C11orf98: variants seen among roughly 807,000 people sequenced by gnomAD.
C11orf98 encodes the protein chromosome 11 open reading frame 98.
In C11orf98, 7 loss-of-function variants were observed where a neutral mutation model predicts 10.9. That is an observed-to-expected ratio of 0.64 (90% confidence interval 0.37 to 1.21). C11orf98 has a LOEUF of 1.21. Among genes scored for constraint, C11orf98 ranks in the 50% most tolerant of loss-of-function variants. The pLI, the probability that C11orf98 is intolerant of heterozygous loss-of-function variation, is 0.02. For missense variants in C11orf98, 181 were observed against 153.7 expected, an observed-to-expected ratio of 1.18 and a Z score of -0.94; for synonymous variants, 70 against 57.2, an observed-to-expected ratio of 1.22 and a Z score of -1.01.
rs1944694257 is a variant in C11orf98, at chr11:62,662,916, A to G, written c.*134T>C. On this transcript the variant is annotated 3_prime_UTR_variant, in exon 4 of 4. Coordinates refer to ENST00000524958, the MANE Select transcript of C11orf98 (RefSeq NM_001286086.2). ...TCTTCCCTCCCAAAGACATCCCTCTAGGGGAGGTCAGTAGGCCATTAGGTA... is the reference window on the plus strand; with the variant it reads ...TCTTCCCTCCCAAAGACATCCCTCTGGGGGAGGTCAGTAGGCCATTAGGTA... 7 of 669,808 alleles carry G rather than the reference A, an allele frequency of 1.0e-5. No individual in the cohort carries two copies. In the South Asian group the frequency reaches 1.4e-4, roughly 13 times the overall value. 41.5% of individuals were successfully genotyped at this position (669,808 alleles called of 1,614,324 possible). A position where few individuals can be genotyped will look rare whatever the true frequency, so the allele number is the denominator to read the frequency against.
rs1295446984 is a variant in C11orf98 at position 62,665,175 on chromosome 11, C to G, written c.-6G>C. On this transcript the variant is annotated 5_prime_UTR_variant, in exon 1 of 4. Coordinates refer to ENST00000524958, the MANE Select transcript of C11orf98 (RefSeq NM_001286086.2). ...TTTCCCCCCGGAGCTCCCATAGTCG[C>G]GATTCCACTCCAGTTCACGGTCCGT... 1 of 852,574 alleles carries G rather than the reference C, an allele frequency of 1.2e-6. No individual in the cohort carries two copies. The highest frequency in any genetic ancestry group is 1.9e-6 in the Non-Finnish European group (1 of 521,938). 52.8% of individuals were successfully genotyped at this position (852,574 alleles called of 1,614,324 possible).
intron 2 of C11orf98, among the ~76,000 whole-genome samples, chr11:62,664,496 A>G (rs1042325255): frequency 6.6e-5 from 10 of 151,712 alleles, no homozygotes; most frequent in African/African-American, 2.2e-4. Context: ...ACGCCTGGCT[A>G]ATTTTTGTAT....
rs751747763 is a variant in C11orf98, at chr11:62,664,853, G to C, written c.160C>G (p.Arg54Gly). The C allele has an allele frequency of 6.4e-7, 1 of 1,567,624 alleles. No homozygotes were observed. The highest frequency in any genetic ancestry group is 2.4e-5 in the East Asian group (1 of 42,320). The change falls in exon 2 of 4, where the codon CGG (arginine) becomes GGG (glycine). Residue 54 changes from arginine to glycine, a missense_variant. By Grantham distance (125) the Arg-to-Gly change is moderately radical. Coordinates refer to ENST00000524958, the MANE Select transcript of C11orf98 (RefSeq NM_001286086.2). ...GGAAGAGGGTCTAGTACTTACGCCCGCTTCTTGAGGTGGTGCCGCGTGATC... is the reference window on the plus strand; with the variant it reads ...GGAAGAGGGTCTAGTACTTACGCCCCCTTCTTGAGGTGGTGCCGCGTGATC... Reference protein sequence around the residue: ...GLITRHHLKKRASSARANITL... With the variant: ...GLITRHHLKKGASSARANITL...
chr11:62,662,922 G>A lies in C11orf98; in HGVS notation c.*128C>T, dbSNP rs1310645423. 8 of 697,584 alleles carry A rather than the reference G, an allele frequency of 1.1e-5. No individual in the cohort carries two copies. The East Asian group carries it at 2.2e-4, about 19-fold the overall frequency. The allele number at this position is 697,584 out of a possible 1,614,324, so 43.2% of individuals were successfully genotyped here. A position where few individuals can be genotyped will look rare whatever the true frequency, so the allele number is the denominator to read the frequency against. On this transcript the variant is annotated 3_prime_UTR_variant, in exon 4 of 4. Coordinates refer to ENST00000524958, the MANE Select transcript of C11orf98 (RefSeq NM_001286086.2). Reference sequence around the variant, plus strand: ...CTCCCAAAGACATCCCTCTAGGGGAGGTCAGTAGGCCATTAGGTAGGAGGA... The same window carrying A: ...CTCCCAAAGACATCCCTCTAGGGGAAGTCAGTAGGCCATTAGGTAGGAGGA...
At chr11:62,664,371 C>T (rs1314274364) in intron 2 of C11orf98, among the ~76,000 whole-genome samples, 3 of 144,952 alleles carry the variant, frequency 2.1e-5, no homozygotes, top group African/African-American at 7.7e-5. Context: ...CACTCTGTGG[C>T]CCAGGCTGGA....
chr11:62,664,944 C>CCGG lies in C11orf98; in HGVS notation c.66_68dup (p.Arg24dup). On this transcript the variant is annotated inframe_insertion, in exon 2 of 4. Coordinates refer to ENST00000524958, the MANE Select transcript of C11orf98 (RefSeq NM_001286086.2). ...GACGCCGCTCCCGATTCAACACCCG[C>CCGG]CGGCGTTTGAACAGCTTCTTCTTCA... 6.2e-7 allele frequency: 1 copy of CCGG among 1,611,240 alleles called. No homozygotes were observed.
intron 1 of C11orf98, 33 bp from the exon 2 acceptor site, chr11:62,665,006 T>A (rs1269301186): frequency 6.2e-7 from 1 of 1,604,430 alleles, no homozygotes; most frequent in Admixed American, 1.7e-5. Context: ...TCAGATGGAG[T>A]GGGCTCGCCG....
chr11:62,663,346 T>C lies in C11orf98; in HGVS notation c.165-13A>G, dbSNP rs376840429. 1.1e-4 allele frequency: 182 copies of C among 1,611,852 alleles called. No homozygotes were observed. Among genetic ancestry groups the C allele is most frequent in the Non-Finnish European group, 1.5e-4 (172 of 1,179,056 alleles). On this transcript the variant is annotated splice_polypyrimidine_tract_variant and intron_variant, in intron 2 of 3. Transcript: ENST00000524958. ...ACGTGCACTGGACCTGATGGGTAAGTGGAAATAAAGAGAGCTAGGTTAACC... is the reference window on the plus strand; with the variant it reads ...ACGTGCACTGGACCTGATGGGTAAGCGGAAATAAAGAGAGCTAGGTTAACC...
chr11:62,664,082 GAAAAAAAAAAAAAA>G (rs71056540), intron 2 of C11orf98, among the ~76,000 whole-genome samples: 1 of 65,944 alleles, frequency 1.5e-5, no homozygotes, highest in Admixed American at 1.9e-4. Context: ...CAAAAAAGAG[GAAAAAAAAAAAAAA>G]AAAAAAAAAG....
chr11:62,662,881 T>A lies in C11orf98; in HGVS notation c.*169A>T, dbSNP rs560413045. The A allele has an allele frequency of 9.9e-6, 6 of 606,332 alleles. No homozygotes were observed. In the South Asian group the frequency reaches 1.2e-4, roughly 13 times the overall value. The allele number at this position is 606,332 out of a possible 1,614,324, so 37.6% of individuals were successfully genotyped here. A position where few individuals can be genotyped will look rare whatever the true frequency, so the allele number is the denominator to read the frequency against. On this transcript the variant is annotated 3_prime_UTR_variant, in exon 4 of 4. Coordinates refer to ENST00000524958, the MANE Select transcript of C11orf98 (RefSeq NM_001286086.2). ...TAGAGAGGCCCTTCTCCAATCTTTCTTCTGTACCTTCTTCCCTCCCAAAGA... is the reference window on the plus strand; with the variant it reads ...TAGAGAGGCCCTTCTCCAATCTTTCATCTGTACCTTCTTCCCTCCCAAAGA...
intron 2 of C11orf98, among the ~76,000 whole-genome samples, chr11:62,664,062 G>A (rs1944723930): frequency 8.0e-6 from 1 of 125,122 alleles, no homozygotes; most frequent in Non-Finnish European, 1.6e-5. Flanking sequence ...AACAGAGGGA[G>A]ACTCTGTCTC....
chr11:62,665,100 G>A, intron 1 of C11orf98, 31 bp downstream of exon 1: 1 of 1,401,624 alleles, frequency 7.1e-7, no homozygotes, highest in Non-Finnish European at 9.8e-7. Context: ...GAACGCTTGA[G>A]GAAACAAAGT....
At position 62,662,927 on chromosome 11, in the gene C11orf98, G is replaced by C. The variant is rs878856688; in HGVS notation, c.*123C>G. 13 of 737,028 alleles carry C rather than the reference G, an allele frequency of 1.8e-5. No homozygotes were observed. The highest frequency in any genetic ancestry group is 1.7e-4 in the South Asian group (9 of 53,202). 45.7% of individuals were successfully genotyped at this position (737,028 alleles called of 1,614,324 possible). ...AAAGACATCCCTCTAGGGGAGGTCA[G>C]TAGGCCATTAGGTAGGAGGAAATCT... On this transcript the variant is annotated 3_prime_UTR_variant, in exon 4 of 4. Coordinates refer to ENST00000524958, the MANE Select transcript of C11orf98 (RefSeq NM_001286086.2).
In C11orf98 at chr11:62,663,059, A is replaced by T. The variant is rs1047047964; in HGVS notation, c.363T>A (p.Asp121Glu). The T allele has an allele frequency of 6.3e-7, 1 of 1,589,608 alleles. No homozygotes were observed. The highest frequency in any genetic ancestry group is 1.3e-5 in the African/African-American group (1 of 74,272). Residue 121 changes from aspartate to glutamate, a missense_variant, in exon 4 of 4, where the codon GAT becomes GAA. Asp to Glu is a conservative substitution (Grantham distance 45, BLOSUM62 2). Transcript: ENST00000524958. ...PQDVEMKDLE[D>E]ES ...TTCTAGTGGAAGAGGTTTAGCTCTC[A>T]TCTTCAAGGTCCTTCATTTCTACAT...
intron 2 of C11orf98, 51 bp downstream of exon 2, chr11:62,664,798 G>A (rs1346305068): frequency 2.6e-6 from 4 of 1,547,612 alleles, no homozygotes; most frequent in South Asian, 2.4e-5. Flanking sequence ...TCTGCAGGGA[G>A]GAAGGAAGAC....
chr11:62,664,813 T>C lies in C11orf98; in HGVS notation c.164+36A>G, dbSNP rs200131463. ...TCTGCAGGGAGGAAGGAAGACTCGGTGGGGACGACCAACAGGAAGAGGGTC... is the reference window on the plus strand; with the variant it reads ...TCTGCAGGGAGGAAGGAAGACTCGGCGGGGACGACCAACAGGAAGAGGGTC... On this transcript the variant is annotated intron_variant, in intron 2 of 3. Transcript: ENST00000524958. 1.1e-3 allele frequency: 1,748 copies of C among 1,551,644 alleles called. 1 individual carries two copies. The highest frequency in any genetic ancestry group is 1.3e-3 in the Non-Finnish European group (1,496 of 1,147,486).
intron 2 of C11orf98, among the ~76,000 whole-genome samples, chr11:62,664,234 T>C (rs549947710): frequency 1.3e-5 from 2 of 152,038 alleles, no homozygotes; most frequent in East Asian, 3.9e-4. Flanking sequence ...TGTGTGCACT[T>C]TTCTGTATGT....
At position 62,665,207 on chromosome 11, in the gene C11orf98, G is replaced by C; in HGVS notation, c.-38C>G. On this transcript the variant is annotated 5_prime_UTR_variant, in exon 1 of 4. Transcript: ENST00000524958. ...ACTCCAGTTCACGGTCCGTACTTCC[G>C]CTCAGCGCCGGATCCGCGGGGCTCC... 1 of 794,720 alleles carries C rather than the reference G, an allele frequency of 1.3e-6. No homozygotes were observed. Among genetic ancestry groups the C allele is most frequent in the South Asian group, 1.4e-5 (1 of 69,440 alleles). The allele number at this position is 794,720 out of a possible 1,614,324, so 49.2% of individuals were successfully genotyped here. A position where few individuals can be genotyped will look rare whatever the true frequency, so the allele number is the denominator to read the frequency against.
Position 62,664,973 on chromosome 11 carries a change from C to G in C11orf98, c.40G>C (p.Glu14Gln). The change falls in exon 2 of 4, where the codon GAG becomes CAG. Residue 14 changes from glutamate (E) to glutamine (Q), a missense_variant and splice_region_variant. Glu to Gln is a conservative substitution (Grantham distance 29). Coordinates refer to ENST00000524958, the MANE Select transcript of C11orf98 (RefSeq NM_001286086.2). Reference sequence around the variant, plus strand: ...CGTTTGAACAGCTTCTTCTTCAGCTCCTGCCGGGGAGAAAGATGCGAATCA... The same window carrying G: ...CGTTTGAACAGCTTCTTCTTCAGCTGCTGCCGGGGAGAAAGATGCGAATCA... ...PGGKINRPRTELKKKLFKRRR... is the reference protein window; with the variant it reads ...PGGKINRPRTQLKKKLFKRRR... 6.2e-7 allele frequency: 1 copy of G among 1,611,210 alleles called. No individual in the cohort carries two copies. Among genetic ancestry groups the G allele is most frequent in the Non-Finnish European group, 8.5e-7 (1 of 1,179,788 alleles).
Sources: gnomAD v4.1 joint callset for allele counts (sites outside exome capture counted in the v4.1 genomes callset) on GRCh38, gnomAD v4.1.1 for gene constraint, MANE v1.5 for transcripts, NCBI Gene and HGNC (gene_info 2026-07-23, HGNC 2026-07-21) for gene names.